The following CDH18 variants were observed in gnomAD, a reference collection of about 807,000 sequenced individuals.
CDH18 encodes cadherin 18.
In CDH18, 31 loss-of-function variants were observed where a neutral mutation model predicts 67.9. That is an observed-to-expected ratio of 0.46 (90% confidence interval 0.34 to 0.62). CDH18 has a LOEUF of 0.62. Among genes scored for constraint, CDH18 ranks in the 20% least tolerant of loss-of-function variants. The pLI is 0.01. For missense variants in CDH18, 890 were observed against 975.5 expected (o/e 0.91, Z 1.17); for synonymous variants, 362 against 347.2 (o/e 1.04, Z -0.48).
chr5:19,612,574 A>ATGT lies in CDH18; in HGVS notation c.668_670dup (p.Asn223dup). ...GTAATGTTCTCTGGCTTCTCTGTCC[A>ATGT]TGTTATGTAAGGCCGTTCTAATAAC... On this transcript the variant is annotated inframe_insertion, in exon 6 of 13. Coordinates refer to ENST00000382275, the MANE Select transcript of CDH18 (RefSeq NM_004934.5). The ATGT allele has an allele frequency of 6.2e-7, 1 of 1,613,836 alleles. No individual in the cohort carries two copies. The highest frequency in any genetic ancestry group is 8.5e-7 in the Non-Finnish European group (1 of 1,179,782).
intron 5 of CDH18, among the ~76,000 whole-genome samples, chr5:19,625,228 T>G (rs1395424697): frequency 1.3e-5 from 2 of 152,162 alleles, no homozygotes; most frequent in African/African-American, 4.8e-5. Flanking sequence ...ATTATTTCCT[T>G]GTCTTTCTCA....
At chr5:19,744,502 G>A (rs1421298896) in intron 4 of CDH18, among the ~76,000 whole-genome samples, 2 of 80,226 alleles carry the variant, frequency 2.5e-5, no homozygotes, top group Non-Finnish European at 4.9e-5. Context: ...TTAACTCAGT[G>A]TACACACACA....
chr5:19,606,556 T>A (rs2150086049), intron 6 of CDH18, among the ~76,000 whole-genome samples: 1 of 152,094 alleles, frequency 6.6e-6, no homozygotes, highest in African/African-American at 2.4e-5. Flanking sequence ...TAGATGGGTT[T>A]AATTGCTGAA....
intron 1 of CDH18, among the ~76,000 whole-genome samples, chr5:20,315,355 G>A (rs2149996875): frequency 6.6e-6 from 1 of 152,114 alleles, no homozygotes; most frequent in South Asian, 2.1e-4. Context: ...CTCTGATCCA[G>A]CCTTGTTCTA....
At chr5:19,885,952 T>G (rs1408781150) in intron 2 of CDH18, among the ~76,000 whole-genome samples, 1 of 152,322 alleles carries the variant, frequency 6.6e-6, no homozygotes. Context: ...CTCAATAAAT[T>G]TGAGAGTGTG....
chr5:19,755,449 A>ATATATATATG (rs1771443713), intron 3 of CDH18, among the ~76,000 whole-genome samples: 1 of 11,380 alleles, frequency 8.8e-5, no homozygotes, highest in Non-Finnish European at 1.3e-3. Flanking sequence ...ATATATATAT[A>ATATATATATG]TATATATATA....
chr5:19,912,686 G>C (rs1210438184), intron 2 of CDH18, among the ~76,000 whole-genome samples: 1 of 152,170 alleles, frequency 6.6e-6, no homozygotes. Context: ...GTGCATAGAA[G>C]AATGATGAAA....
intron 1 of CDH18, among the ~76,000 whole-genome samples, chr5:20,483,745 G>A (rs1752984026): frequency 1.3e-5 from 2 of 150,770 alleles, no homozygotes. Context: ...AATGAAAATA[G>A]ATTTCCATCT....
intron 2 of CDH18, among the ~76,000 whole-genome samples, chr5:20,184,361 T>C (rs1021886475): frequency 4.6e-5 from 7 of 152,112 alleles, no homozygotes; most frequent in Non-Finnish European, 1.0e-4. Context: ...ACAAGTCTTA[T>C]TCACTGTAAC....
chr5:19,711,106 G>A (rs1015830442), intron 5 of CDH18, among the ~76,000 whole-genome samples: 30 of 151,852 alleles, frequency 2.0e-4, no homozygotes, highest in African/African-American at 6.3e-4. Flanking sequence ...TTATCTAAAG[G>A]TGGATTAAGA....
intron 2 of CDH18, among the ~76,000 whole-genome samples, chr5:20,080,927 T>C (rs982049440): frequency 1.3e-5 from 2 of 152,150 alleles, no homozygotes; most frequent in Admixed American, 6.5e-5. Flanking sequence ...GCAGTGTTCA[T>C]TCCCTCTAAT....
chr5:20,115,494 G>T (rs1250015898), intron 2 of CDH18, among the ~76,000 whole-genome samples: 1 of 151,458 alleles, frequency 6.6e-6, no homozygotes, highest in East Asian at 1.9e-4. Flanking sequence ...GGCCATGATG[G>T]TCTTGATTTC....
intron 1 of CDH18, among the ~76,000 whole-genome samples, chr5:20,378,573 T>G (rs535335829): frequency 6.6e-6 from 1 of 152,276 alleles, no homozygotes; most frequent in Non-Finnish European, 1.5e-5. Context: ...AAAATTGATG[T>G]GTATAATGAT....
At chr5:20,160,169 A>G (rs1203431213) in intron 2 of CDH18, among the ~76,000 whole-genome samples, 2 of 152,240 alleles carry the variant, frequency 1.3e-5, no homozygotes, top group Admixed American at 6.5e-5. Flanking sequence ...AAACATTTCA[A>G]TACTCTTCAG....
intron 5 of CDH18, among the ~76,000 whole-genome samples, chr5:19,716,421 C>CTATTATTAAA (rs1561129679): frequency 1.3e-5 from 2 of 151,894 alleles, no homozygotes; most frequent in African/African-American, 4.8e-5. Context: ...TAACGTGACT[C>CTATTATTAAA]CAAATAGTAT....
chr5:19,633,209 A>G (rs1212806279), intron 5 of CDH18, among the ~76,000 whole-genome samples: 1 of 152,212 alleles, frequency 6.6e-6, no homozygotes, highest in East Asian at 1.9e-4. Context: ...TTTAATAATG[A>G]TACAGATATC....
At chr5:20,374,034 T>A (rs1743218260) in intron 1 of CDH18, among the ~76,000 whole-genome samples, 1 of 152,174 alleles carries the variant, frequency 6.6e-6, no homozygotes, top group Admixed American at 6.6e-5. Flanking sequence ...CTACTCATGT[T>A]ATTATCATAA....
intron 3 of CDH18, among the ~76,000 whole-genome samples, chr5:19,807,817 G>A (rs1458656483): frequency 6.6e-6 from 1 of 152,068 alleles, no homozygotes; most frequent in East Asian, 1.9e-4. Flanking sequence ...TGTGTATGTA[G>A]TAAGTTTTTT....
At chr5:20,404,439 T>C (rs1746048752) in intron 1 of CDH18, among the ~76,000 whole-genome samples, 1 of 152,148 alleles carries the variant, frequency 6.6e-6, no homozygotes, top group South Asian at 2.1e-4. Flanking sequence ...TAAAGACAGG[T>C]ATGGAATTCT....
Sources: gnomAD v4.1 joint callset for allele counts (sites outside exome capture counted in the v4.1 genomes callset) on GRCh38, gnomAD v4.1.1 for gene constraint, MANE v1.5 for transcripts, NCBI Gene and HGNC (gene_info 2026-07-23, HGNC 2026-07-21) for gene names.